CFAP36: variants seen among roughly 807,000 people sequenced by gnomAD.
CFAP36 encodes the protein cilia- and flagella-associated protein 36.
In CFAP36, 37 loss-of-function variants were observed where a neutral mutation model predicts 50.5. The ratio of observed to expected loss-of-function variants is 0.73; its 90% confidence interval spans 0.56 to 0.96. The LOEUF is 0.96. Among genes scored for constraint, CFAP36 ranks in the 50% least tolerant of loss-of-function variants. The probability of loss-of-function intolerance (pLI) is 0.00; values close to 1 mark genes in which losing one functional copy is unlikely to be tolerated. For missense variants in CFAP36, 407 were observed against 396.2 expected (o/e 1.03, Z -0.23); for synonymous variants, 138 against 128.2 (o/e 1.08, Z -0.52).
Position 55,528,169 on chromosome 2 carries a change from AGAATTATAAG to A in CFAP36, c.283-700_283-691del, listed in dbSNP as rs1307245819. The stretch of plus-strand genomic sequence containing the variant: ...CGCCTGGCCACAATTTTTGTTTTAT[AGAATTATAAG>A]GAATTATATAATTATATATAAAATA... On this transcript the variant is annotated intron_variant, in intron 3 of 9. Transcript: ENST00000349456. Among the ~76,000 whole-genome samples, 1,134 of 151,054 alleles carry A rather than the reference AGAATTATAAG, an allele frequency of 7.5e-3. 21 individuals are homozygous for A. Among genetic ancestry groups the A allele is most frequent in the African/African-American group, 0.026 (1,075 of 41,398 alleles).
At chr2:55,523,596 A>G (rs936534931) in intron 2 of CFAP36, 125 bp from the exon 3 acceptor site, 11 of 541,074 alleles carry the variant, frequency 2.0e-5, no homozygotes, top group African/African-American at 1.9e-4. Flanking sequence ...TGTCACTGTC[A>G]TGTAATATGT....
At chr2:55,542,664 C>T (rs144534452) in intron 7 of CFAP36, among the ~76,000 whole-genome samples, 4 of 152,200 alleles carry the variant, frequency 2.6e-5, no homozygotes, top group Admixed American at 2.0e-4. Flanking sequence ...AAGGCAAGAA[C>T]TGTCCAGAGA....
intron 7 of CFAP36, among the ~76,000 whole-genome samples, chr2:55,538,591 G>A (rs1375289406): frequency 6.6e-6 from 1 of 151,480 alleles, no homozygotes; most frequent in Non-Finnish European, 1.5e-5. Context: ...ACTGTGCCTG[G>A]CTACTCTTAT....
At chr2:55,524,905 C>T (rs1271446271) in intron 3 of CFAP36, among the ~76,000 whole-genome samples, 12 of 151,768 alleles carry the variant, frequency 7.9e-5, no homozygotes, top group South Asian at 2.1e-4. Flanking sequence ...CCCTTGAACC[C>T]GGGAGGCGGA....
intron 1 of CFAP36, chr2:55,520,624 G>T (rs1022167939): frequency 1.0e-5 from 6 of 574,742 alleles, no homozygotes; most frequent in Admixed American, 4.1e-5. Flanking sequence ...CAGGCTTGGA[G>T]TTCTGCATTC....
chr2:55,543,260 T>C (rs1199607862), intron 7 of CFAP36, among the ~76,000 whole-genome samples: 1 of 152,130 alleles, frequency 6.6e-6, no homozygotes, highest in Non-Finnish European at 1.5e-5. Flanking sequence ...AATCACCTTA[T>C]AATAAAAAAT....
In CFAP36 at chr2:55,522,233, G is replaced by T. The variant is rs566068099; in HGVS notation, c.180+67G>T. ...AATACTACTTATAGCTTTTCTAAATGAAGAAAAATATTTTTACATTAAAAA... is the reference window on the plus strand; with the variant it reads ...AATACTACTTATAGCTTTTCTAAATTAAGAAAAATATTTTTACATTAAAAA... On this transcript the variant is annotated intron_variant, in intron 2 of 9. Transcript: ENST00000349456. 21 of 788,664 alleles carry T rather than the reference G, an allele frequency of 2.7e-5. No homozygotes were observed. The East Asian group carries it at 3.8e-4, about 14-fold the overall frequency. The allele number at this position is 788,664 out of a possible 1,614,324, so 48.9% of individuals were successfully genotyped here.
chr2:55,541,392 G>A (rs1684635272), intron 7 of CFAP36, among the ~76,000 whole-genome samples: 1 of 152,092 alleles, frequency 6.6e-6, no homozygotes, highest in Admixed American at 6.6e-5. Context: ...TCTTTCATTA[G>A]AATTTTGTAG....
Position 55,544,937 on chromosome 2 carries a change from G to A in CFAP36, c.958G>A (p.Glu320Lys), listed in dbSNP as rs759767114. 3.7e-6 allele frequency: 6 copies of A among 1,605,640 alleles called. No individual in the cohort carries two copies. The highest frequency in any genetic ancestry group is 4.2e-6 in the Non-Finnish European group (5 of 1,177,600). Residue 320 changes from glutamate to lysine, a missense_variant, in exon 10 of 10, where the codon GAG becomes AAG. Physicochemically the swap from Glu to Lys is moderately conservative, Grantham distance 56. Coordinates refer to ENST00000349456, the MANE Select transcript of CFAP36 (RefSeq NM_080667.7). ...EMTEKPEMTAEEKQTLLKRRL... is the reference protein window; with the variant it reads ...EMTEKPEMTAKEKQTLLKRRL... ...GACAGAGAAACCAGAAATGACAGCA[G>A]AGGAGAAGCAAACATTACTAAAGAG...
At chr2:55,543,125 T>C (rs1684682439) in intron 7 of CFAP36, among the ~76,000 whole-genome samples, 1 of 152,102 alleles carries the variant, frequency 6.6e-6, no homozygotes, top group Non-Finnish European at 1.5e-5. Flanking sequence ...CATTTAGACA[T>C]GTGTGCCATG....
At chr2:55,539,759 T>C (rs957513538) in intron 7 of CFAP36, among the ~76,000 whole-genome samples, 2 of 152,238 alleles carry the variant, frequency 1.3e-5, no homozygotes, top group Admixed American at 6.5e-5. Context: ...GCGTTCTTGT[T>C]GCATCCTTGC....
At chr2:55,532,207 TAAA>T (rs985180019) in intron 4 of CFAP36, among the ~76,000 whole-genome samples, 1 of 133,868 alleles carries the variant, frequency 7.5e-6, no homozygotes. Context: ...GTCTCAAAAT[TAAA>T]AAAAAAAAAA....
chr2:55,520,565 A>G (rs887333480), intron 1 of CFAP36: 53 of 1,001,890 alleles, frequency 5.3e-5, no homozygotes, highest in Non-Finnish European at 7.4e-5. Context: ...TAGATATGGC[A>G]TAATATTCCC....
intron 4 of CFAP36, among the ~76,000 whole-genome samples, chr2:55,529,691 G>A (rs1684304721): frequency 7.1e-6 from 1 of 141,676 alleles, no homozygotes; most frequent in Non-Finnish European, 1.5e-5. Context: ...CTGTTGCTCA[G>A]GCTGGAGTGC....
Position 55,544,193 on chromosome 2 carries a change from G to A in CFAP36, c.778-27G>A, listed in dbSNP as rs752683322. ...TACTTACTAAATGGATTTGAATTTA[G>A]ATAGCTCCTTTTCTTACTTGACCCA... On this transcript the variant is annotated intron_variant, in intron 8 of 9. Coordinates refer to ENST00000349456, the MANE Select transcript of CFAP36 (RefSeq NM_080667.7). The A allele has an allele frequency of 2.5e-6, 4 of 1,607,934 alleles. No homozygotes were observed. In the Admixed American group the frequency reaches 6.9e-5, roughly 28 times the overall value.
At chr2:55,523,624 A>G (rs1375838999) in intron 2 of CFAP36, 97 bp from the exon 3 acceptor site, 1 of 700,842 alleles carries the variant, frequency 1.4e-6, no homozygotes, top group Non-Finnish European at 2.3e-6. Flanking sequence ...TATTTGCAAA[A>G]AATTCGATGA....
intron 5 of CFAP36, among the ~76,000 whole-genome samples, chr2:55,534,643 G>T (rs563560401): frequency 6.6e-6 from 1 of 152,310 alleles, no homozygotes; most frequent in Non-Finnish European, 1.5e-5. Context: ...TAAATCTCCT[G>T]TGAGAATATA....
rs183907046 is a variant in CFAP36 at position 55,523,685 on chromosome 2, C to G, written c.181-36C>G. The G allele has an allele frequency of 2.6e-4, 360 of 1,378,288 alleles. 2 individuals are homozygous for G. Among genetic ancestry groups the G allele is most frequent in the Admixed American group, 1.2e-3 (62 of 51,088 alleles). 85.4% of individuals were successfully genotyped at this position (1,378,288 alleles called of 1,614,324 possible). A position where few individuals can be genotyped will look rare whatever the true frequency, so the allele number is the denominator to read the frequency against. Reference sequence around the variant, plus strand: ...ATGCAAACTGTCATGTAGAATTTTTCTATGTAATTATAAAAGTTAAACTTT... The same window carrying G: ...ATGCAAACTGTCATGTAGAATTTTTGTATGTAATTATAAAAGTTAAACTTT... On this transcript the variant is annotated intron_variant, in intron 2 of 9. Coordinates refer to ENST00000349456, the MANE Select transcript of CFAP36 (RefSeq NM_080667.7).
At chr2:55,526,515 C>G (rs1177571324) in intron 3 of CFAP36, among the ~76,000 whole-genome samples, 1 of 152,170 alleles carries the variant, frequency 6.6e-6, no homozygotes, top group African/African-American at 2.4e-5. Context: ...AGTCATAGTT[C>G]TATGCAACCT....
Sources: allele counts gnomAD v4.1 joint callset (sites outside exome capture counted in the v4.1 genomes callset), GRCh38; gene constraint gnomAD v4.1.1; transcripts MANE v1.5; gene names NCBI Gene and HGNC (gene_info 2026-07-23, HGNC 2026-07-21).